Variants in LOC400499 observed in about 807,000 individuals in gnomAD.
At chr16:11,464,320 C>T in the LOC400499 span, among the ~76,000 whole-genome samples, 1 of 152,252 alleles carries the variant, frequency 6.6e-6, no homozygotes. Context: ...TGGCTTTCTC[C>T]AGTCTGTATC....
chr16:11,374,980 C>T, the LOC400499 span, among the ~76,000 whole-genome samples: 54 of 152,138 alleles, frequency 3.5e-4, no homozygotes, highest in Admixed American at 1.0e-3. Flanking sequence ...TCCCAAATAG[C>T]TGGGATTACA....
the LOC400499 span, among the ~76,000 whole-genome samples, chr16:11,427,803 G>C: frequency 6.6e-6 from 1 of 152,290 alleles, no homozygotes; most frequent in South Asian, 2.1e-4. Flanking sequence ...AGAAAGGGAA[G>C]GAGACTAAGA....
chr16:11,406,057 G>A, the LOC400499 span, among the ~76,000 whole-genome samples: 1 of 152,278 alleles, frequency 6.6e-6, no homozygotes, highest in African/African-American at 2.4e-5. Flanking sequence ...CAGTGTGCAT[G>A]TTTGTTACAT....
At chr16:11,415,094 C>T in the LOC400499 span, among the ~76,000 whole-genome samples, 2 of 151,978 alleles carry the variant, frequency 1.3e-5, no homozygotes, top group Admixed American at 6.5e-5. Flanking sequence ...ATCAGCATGA[C>T]GTCTGCTCCC....
At chr16:11,472,194 C>CT in the LOC400499 span, 494 of 144,298 alleles carry the variant, frequency 3.4e-3, no homozygotes, top group Non-Finnish European at 4.2e-3. Context: ...TAGACTTTTT[C>CT]TTTTTTTTTT....
the LOC400499 span, among the ~76,000 whole-genome samples, chr16:11,522,916 C>G: frequency 2.0e-5 from 3 of 152,170 alleles, no homozygotes; most frequent in Non-Finnish European, 4.4e-5. Flanking sequence ...CCAGCCAAAT[C>G]TCTAACCTTC....
the LOC400499 span, chr16:11,384,937 A>C: frequency 6.5e-6 from 8 of 1,232,148 alleles, no homozygotes; most frequent in African/African-American, 1.5e-5. Context: ...TGGGCACGTC[A>C]CAGGAGACAG....
chr16:11,400,676 A>G, the LOC400499 span, among the ~76,000 whole-genome samples: 1 of 152,140 alleles, frequency 6.6e-6, no homozygotes, highest in Admixed American at 6.5e-5. Flanking sequence ...CTTGGCCTCA[A>G]GTGATCCACT....
chr16:11,398,217 G>T, the LOC400499 span: 1 of 739,760 alleles, frequency 1.4e-6, no homozygotes, highest in Non-Finnish European at 1.9e-6. Context: ...GCAGGCAAAT[G>T]GCAGAGCCAC....
At chr16:11,498,502 T>TA in the LOC400499 span, among the ~76,000 whole-genome samples, 98,999 of 151,344 alleles carry the variant, frequency 0.65, 32,529 homozygotes, top group Admixed American at 0.74. Context: ...AATGATTAAA[T>TA]AATTAAATAA....
chr16:11,452,008 A>G, the LOC400499 span, among the ~76,000 whole-genome samples: 1 of 152,112 alleles, frequency 6.6e-6, no homozygotes, highest in Non-Finnish European at 1.5e-5. Context: ...ATTGACAGGG[A>G]AACCCACCGG....
chr16:11,415,134 C>G, the LOC400499 span, among the ~76,000 whole-genome samples: 7 of 152,332 alleles, frequency 4.6e-5, no homozygotes, highest in Non-Finnish European at 8.8e-5. Flanking sequence ...CACTGACATC[C>G]ACCTGCAGCC....
At chr16:11,465,724 G>C in the LOC400499 span, among the ~76,000 whole-genome samples, 6 of 150,172 alleles carry the variant, frequency 4.0e-5, no homozygotes, top group African/African-American at 1.5e-4. Flanking sequence ...AGTGATCTAC[G>C]ATCACTGCAC....
the LOC400499 span, among the ~76,000 whole-genome samples, chr16:11,444,066 C>G: frequency 3.1e-4 from 47 of 152,142 alleles, no homozygotes; most frequent in Non-Finnish European, 2.8e-4. Context: ...GTCTCGAACA[C>G]CTGACCTCAA....
the LOC400499 span, among the ~76,000 whole-genome samples, chr16:11,490,092 A>G: frequency 0.34 from 51,174 of 151,946 alleles, 9,826 homozygotes; most frequent in African/African-American, 0.51. Context: ...TAGACATGCT[A>G]AAGACAAAAA....
At chr16:11,415,709 T>C in the LOC400499 span, among the ~76,000 whole-genome samples, 1 of 152,090 alleles carries the variant, frequency 6.6e-6, no homozygotes, top group South Asian at 2.1e-4. Context: ...GACAACAGAC[T>C]GGACAGCAGT....
the LOC400499 span, among the ~76,000 whole-genome samples, chr16:11,473,441 G>A: frequency 6.6e-6 from 1 of 151,916 alleles, no homozygotes; most frequent in Admixed American, 6.6e-5. Flanking sequence ...AGTGTTGCTG[G>A]CTTACACTTG....
the LOC400499 span, among the ~76,000 whole-genome samples, chr16:11,479,668 G>C: frequency 1.3e-5 from 2 of 152,092 alleles, no homozygotes; most frequent in African/African-American, 4.8e-5. Context: ...TGCAAAGACA[G>C]TACAGAGAGT....
the LOC400499 span, chr16:11,393,668 G>A: frequency 1.1e-6 from 1 of 937,690 alleles, no homozygotes; most frequent in Non-Finnish European, 1.4e-6. Context: ...GCTGCTGTTG[G>A]ACCTGTAGGG....
Sources: gnomAD v4.1 joint callset for allele counts (sites outside exome capture counted in the v4.1 genomes callset) on GRCh38, gnomAD v4.1.1 for gene constraint, MANE v1.5 for transcripts.